Variants in CR1 observed in about 807,000 individuals in gnomAD.
The protein encoded by CR1 is complement receptor type 1.
CR1 carries 116 observed loss-of-function variants against 187.3 expected under a neutral mutation model. That is an observed-to-expected ratio of 0.62 (90% CI 0.53 to 0.72). The LOEUF (loss-of-function observed/expected upper bound fraction) is 0.72, where lower values mean the gene tolerates loss of function less well. Ranked by LOEUF, CR1 falls within the 30% of genes least tolerant of loss-of-function variation. CR1 has a pLI of 0.00. For missense variants in CR1, 1,731 were observed against 2,110.7 expected, an observed-to-expected ratio of 0.82 and a Z score of 3.52; for synonymous variants, 576 against 747.1, an observed-to-expected ratio of 0.77 and a Z score of 3.73.
intron 3 of CR1, among the ~76,000 whole-genome samples, chr1:207,508,930 G>A (rs373174929): frequency 2.0e-5 from 3 of 152,148 alleles, no homozygotes; most frequent in African/African-American, 7.2e-5. Flanking sequence ...GATACCTTAT[G>A]TCCTCCACTT....
chr1:207,629,015 C>A (rs1313430702), intron 45 of CR1, among the ~76,000 whole-genome samples: 1 of 152,060 alleles, frequency 6.6e-6, no homozygotes, highest in South Asian at 2.1e-4. Context: ...AAAATATGCG[C>A]CTGCACGTTT....
intron 46 of CR1, among the ~76,000 whole-genome samples, chr1:207,631,634 G>T (rs1284253939): frequency 6.6e-6 from 1 of 152,060 alleles, no homozygotes; most frequent in East Asian, 1.9e-4. Context: ...CATTCTCAGG[G>T]TATGCAGTAA....
chr1:207,522,826 T>A (rs1660038164), intron 4 of CR1, among the ~76,000 whole-genome samples: 1 of 152,210 alleles, frequency 6.6e-6, no homozygotes, highest in East Asian at 1.9e-4. Context: ...TCAAGTGTTT[T>A]GGGATTTGGG....
In CR1 at chr1:207,564,225, G is replaced by T; in HGVS notation, c.3857G>T (p.Cys1286Phe). 6.4e-7 allele frequency: 1 copy of T among 1,554,076 alleles called. No individual in the cohort carries two copies. Among genetic ancestry groups the T allele is most frequent in the South Asian group, 1.2e-5 (1 of 84,746 alleles). The change falls in exon 23 of 47, where the codon TGT (cysteine) becomes TTT (phenylalanine). Residue 1286 changes from cysteine (C) to phenylalanine (F), a missense_variant. Around this residue, in one of 5 missense-constraint regions of CR1, gnomAD observed 34 missense variants for 79.5 expected, o/e 0.43. Transcript: ENST00000367049. The part of the protein sequence containing the change: ...LQLGAKVDFV[C>F]DEGFQLKGSS... ...CTTGGAGCAAAAGTGGATTTTGTTT[G>T]TGATGAAGGGTGAGTATGAGCTTGC...
In CR1 at chr1:207,616,755, G is replaced by A; in HGVS notation, c.6842G>A (p.Gly2281Glu). ...TGCACAAGTGACCCTCAAGGGAATG[G>A]GGTTTGGAGCAGCCCTGCCCCTCGC... ...IRCTSDPQGN[G>E]VWSSPAPRCE... Residue 2281 changes from glycine to glutamate, a missense_variant, in exon 41 of 47, where the codon GGG becomes GAG. This residue lies in a region of CR1 where 1,312 missense variants were observed against 1,379.6 expected (regional missense o/e 0.95). Transcript: ENST00000367049. The A allele has an allele frequency of 6.2e-7, 1 of 1,613,936 alleles. No individual in the cohort carries two copies. Among genetic ancestry groups the A allele is most frequent in the Non-Finnish European group, 8.5e-7 (1 of 1,179,886 alleles).
At chr1:207,603,375 T>G (rs1479799977) in intron 35 of CR1, among the ~76,000 whole-genome samples, 1 of 152,030 alleles carries the variant, frequency 6.6e-6, no homozygotes, top group Admixed American at 6.6e-5. Flanking sequence ...GTAATTATGT[T>G]GTAATTTTTC....
intron 32 of CR1, among the ~76,000 whole-genome samples, chr1:207,582,980 G>A (rs1031354937): frequency 6.6e-6 from 1 of 152,162 alleles, no homozygotes; most frequent in Admixed American, 6.5e-5. Flanking sequence ...AGAGTCCCAG[G>A]CTGCCCATAG....
chr1:207,577,682 A>T, intron 28 of CR1, 123 bp from the exon 29 acceptor site: 1 of 1,460,828 alleles, frequency 6.8e-7, no homozygotes, highest in East Asian at 2.5e-5. Flanking sequence ...AGGTGGGAGG[A>T]TTGCTTGACC....
At chr1:207,590,947 A>G (rs185067097) in intron 35 of CR1, among the ~76,000 whole-genome samples, 2 of 152,358 alleles carry the variant, frequency 1.3e-5, no homozygotes, top group African/African-American at 4.8e-5. Flanking sequence ...ACCCAGATTC[A>G]TAAAGCAAGT....
chr1:207,565,999 A>T, intron 24 of CR1, 76 bp downstream of exon 24: 2 of 1,549,014 alleles, frequency 1.3e-6, no homozygotes, highest in Non-Finnish European at 1.8e-6. Flanking sequence ...GCCTCCCTCA[A>T]TGTGATTCTT....
At chr1:207,591,317 A>G (rs1410837263) in intron 35 of CR1, among the ~76,000 whole-genome samples, 1 of 152,238 alleles carries the variant, frequency 6.6e-6, no homozygotes, top group Non-Finnish European at 1.5e-5. Flanking sequence ...CTGCACAACT[A>G]CATGGAAACT....
intron 32 of CR1, among the ~76,000 whole-genome samples, chr1:207,584,383 T>G (rs1056778664): frequency 1.5e-4 from 23 of 152,200 alleles, no homozygotes; most frequent in African/African-American, 5.5e-4. Flanking sequence ...AGGAATATAC[T>G]CTTTATTATT....
At chr1:207,604,230 T>C (rs1156650684) in intron 35 of CR1, among the ~76,000 whole-genome samples, 1 of 152,220 alleles carries the variant, frequency 6.6e-6, no homozygotes, top group Non-Finnish European at 1.5e-5. Flanking sequence ...TTCTTTACCA[T>C]TTTTCTACTT....
At chr1:207,598,180 T>C (rs891209193) in intron 35 of CR1, among the ~76,000 whole-genome samples, 12 of 152,314 alleles carry the variant, frequency 7.9e-5, no homozygotes, top group Admixed American at 2.6e-4. Flanking sequence ...TTGTATAATG[T>C]TGTGAATGTC....
chr1:207,496,481 C>G (rs1572977656), intron 1 of CR1, 93 bp downstream of exon 1: 16 of 1,318,680 alleles, frequency 1.2e-5, no homozygotes, highest in South Asian at 1.5e-5. Flanking sequence ...CTGCGCTGCT[C>G]TGCGCGCCCG....
chr1:207,633,296 A>G (rs1285939464), intron 46 of CR1, among the ~76,000 whole-genome samples: 5 of 152,368 alleles, frequency 3.3e-5, no homozygotes, highest in African/African-American at 9.6e-5. Context: ...ATCATTGTTA[A>G]AAACAAGAAA....
rs1661374466 is a variant in CR1 at position 207,594,650 on chromosome 1, GA to G, written c.5810+5877del. 1.3e-5 allele frequency among the ~76,000 whole-genome samples: 2 copies of G among 152,264 alleles called. 1 individual carries two copies. Among genetic ancestry groups the G allele is most frequent in the South Asian group, 4.1e-4 (2 of 4,822 alleles). ...ATTTTTGGTTGCCATGATAAATTCA[GA>G]GAGGAAAAACATGATATATATTAAA... On this transcript the variant is annotated intron_variant, in intron 35 of 46. Transcript: ENST00000367049.
Position 207,589,738 on chromosome 1 carries a change from A to G in CR1, c.5810+964A>G, listed in dbSNP as rs567214141. Among the ~76,000 whole-genome samples, 7 of 152,332 alleles carry G rather than the reference A, an allele frequency of 4.6e-5. No homozygotes were observed. In the East Asian group the frequency reaches 1.3e-3, roughly 29 times the overall value. On this transcript the variant is annotated intron_variant, in intron 35 of 46. Coordinates refer to ENST00000367049, the MANE Select transcript of CR1 (RefSeq NM_000651.6). ...CCTTGAAAAACAGGTTAGAGGAATT[A>G]CTAACTAGAATAACCAGTTTAGAAA...
At chr1:207,584,557 G>T in intron 32 of CR1, 92 bp from the exon 33 acceptor site, 3 of 1,445,364 alleles carry the variant, frequency 2.1e-6, no homozygotes, top group East Asian at 2.3e-5. Flanking sequence ...ACGCTTAATT[G>T]GCAACACAGT....
Sources: gnomAD v4.1 joint callset for allele counts (sites outside exome capture counted in the v4.1 genomes callset) on GRCh38, gnomAD v4.1.1 for gene constraint, gnomAD v4.1.1 regional missense constraint, MANE v1.5 for transcripts, NCBI Gene and HGNC (gene_info 2026-07-23, HGNC 2026-07-21) for gene names.